The following JPH1 variants were observed in gnomAD, a reference collection of about 807,000 sequenced individuals.
JPH1 encodes junctophilin 1.
A neutral mutation model predicts 53.6 loss-of-function variants in JPH1; 12 were observed. The observed-to-expected ratio is 0.22, with a 90% CI of 0.14 to 0.36. The LOEUF (loss-of-function observed/expected upper bound fraction) is 0.36, where lower values mean the gene tolerates loss of function less well. Ranked by LOEUF, JPH1 falls within the 10% of genes least tolerant of loss-of-function variation. The pLI is 1.00. For synonymous variants in JPH1, 375 were observed against 363.8 expected (o/e 1.03, Z -0.35); for missense variants, 808 against 905.5 (o/e 0.89, Z 1.38).
At chr8:74,319,603 CTGCCATTT>C (rs1808257347) in intron 1 of JPH1, among the ~76,000 whole-genome samples, 2 of 152,212 alleles carry the variant, frequency 1.3e-5, no homozygotes, top group Admixed American at 1.3e-4. Flanking sequence ...TTCTACCATT[CTGCCATTT>C]TGCATTTGAA....
intron 2 of JPH1, among the ~76,000 whole-genome samples, chr8:74,310,443 A>G (rs1453545858): frequency 2.0e-5 from 3 of 152,226 alleles, no homozygotes; most frequent in Non-Finnish European, 4.4e-5. Context: ...TCCAGGAGTC[A>G]GCAAATTATA....
intron 1 of JPH1, among the ~76,000 whole-genome samples, chr8:74,316,790 G>C (rs558844779): frequency 6.6e-6 from 1 of 152,182 alleles, no homozygotes; most frequent in East Asian, 1.9e-4. Context: ...AAATAACCTG[G>C]TACAGGTTTT....
chr8:74,302,194 T>C (rs1310179608), intron 2 of JPH1, among the ~76,000 whole-genome samples: 1 of 152,242 alleles, frequency 6.6e-6, no homozygotes, highest in Non-Finnish European at 1.5e-5. Context: ...GAGAACAATG[T>C]GCACCAGTGC....
intron 2 of JPH1, among the ~76,000 whole-genome samples, chr8:74,291,169 G>A (rs191037578): frequency 0.27 from 40,737 of 151,904 alleles, 5,537 homozygotes; most frequent in Middle Eastern, 0.31. Context: ...CACAGCAAAA[G>A]AAACTACCAT....
rs1808284371 is a variant in JPH1 at position 74,320,573 on chromosome 8, C to T, written c.379+336G>A. On this transcript the variant is annotated intron_variant, in intron 1 of 5. Transcript: ENST00000342232. This position sits in a 1 kb window ranked among gnomAD's most constrained non-coding sequence, Gnocchi z 4.4. ...AACGTAATGTGACGGGCTCAAGTGA[C>T]AGCGTCCTCTCTCCAGCCCAACCCT... Among the ~76,000 whole-genome samples, 4 of 152,130 alleles carry T rather than the reference C, an allele frequency of 2.6e-5. No individual in the cohort carries two copies. The South Asian group carries it at 8.3e-4, about 32-fold the overall frequency.
At chr8:74,238,131 C>A (rs776241012) in intron 4 of JPH1, among the ~76,000 whole-genome samples, 1 of 152,114 alleles carries the variant, frequency 6.6e-6, no homozygotes, top group Non-Finnish European at 1.5e-5. Flanking sequence ...ATGTCTAATT[C>A]TTATATAGCA....
At chr8:74,242,266 T>C (rs75841885) in intron 4 of JPH1, among the ~76,000 whole-genome samples, 2,299 of 152,310 alleles carry the variant, frequency 0.015, 68 homozygotes, top group African/African-American at 0.053. Flanking sequence ...TAGCATTGTG[T>C]TGAAACAAAC....
At chr8:74,247,502 T>C (rs1042220133) in intron 3 of JPH1, among the ~76,000 whole-genome samples, 5 of 152,170 alleles carry the variant, frequency 3.3e-5, no homozygotes, top group African/African-American at 9.7e-5. Context: ...CATAGAAAAA[T>C]TGCCAATATC....
chr8:74,313,045 G>A (rs2131462728), intron 2 of JPH1, among the ~76,000 whole-genome samples: 1 of 152,302 alleles, frequency 6.6e-6, no homozygotes, highest in East Asian at 1.9e-4. Context: ...TCTCTGCATT[G>A]CCAGTCGCTT....
rs1249447228 is a variant in JPH1, at chr8:74,235,131, T to C, written c.*1920A>G. On this transcript the variant is annotated 3_prime_UTR_variant, in exon 6 of 6. Transcript: ENST00000342232. ...CTTAATAAGATTAAATATTTTATTA[T>C]TATTTTTTTAAAAAACCAGCTTTCC... 1 of 152,248 alleles carries C rather than the reference T, an allele frequency of 6.6e-6. No individual in the cohort carries two copies. The highest frequency in any genetic ancestry group is 2.4e-5 in the African/African-American group (1 of 41,430). 9.4% of individuals were successfully genotyped at this position (152,248 alleles called of 1,614,324 possible).
At chr8:74,280,345 A>G (rs1379057996) in intron 2 of JPH1, among the ~76,000 whole-genome samples, 2 of 152,208 alleles carry the variant, frequency 1.3e-5, no homozygotes, top group South Asian at 4.1e-4. Context: ...TGAGGTGGTG[A>G]AAACTTGGGG....
chr8:74,252,463 A>G (rs1806094006), intron 3 of JPH1, among the ~76,000 whole-genome samples: 1 of 152,146 alleles, frequency 6.6e-6, no homozygotes, highest in African/African-American at 2.4e-5. Flanking sequence ...AAAGAACTCA[A>G]GGCTAGGAAG....
At chr8:74,246,347 C>T (rs984565893) in intron 3 of JPH1, among the ~76,000 whole-genome samples, 6 of 152,128 alleles carry the variant, frequency 3.9e-5, no homozygotes, top group African/African-American at 9.7e-5. Flanking sequence ...CAACCCTTCA[C>T]CCCAGACAAA....
chr8:74,237,641 T>C (rs1360009187), intron 4 of JPH1, among the ~76,000 whole-genome samples: 1 of 152,202 alleles, frequency 6.6e-6, no homozygotes, highest in Non-Finnish European at 1.5e-5. Context: ...GAGTTAGACG[T>C]GCATTTGTTG....
chr8:74,286,228 C>A (rs1251451147), intron 2 of JPH1, among the ~76,000 whole-genome samples: 1 of 152,274 alleles, frequency 6.6e-6, no homozygotes, highest in African/African-American at 2.4e-5. Context: ...CTGTCCCTTC[C>A]TTTAGAACAC....
At position 74,315,328 on chromosome 8, in the gene JPH1, G is replaced by A; in HGVS notation, c.672C>T (p.Arg224=). ...RGSLLGSMKL[R]KSESKSSISS... ...AGATGGAAGACTTGGATTCGGACTT[G>A]CGAAGTTTCATGCTTCCAAGAAGGG... The change falls in exon 2 of 6, where the codon CGC becomes CGT. Residue 224 remains arginine, a synonymous_variant. Coordinates refer to ENST00000342232, the MANE Select transcript of JPH1 (RefSeq NM_020647.4). The surrounding 1 kb of genome is among the most constrained non-coding windows in gnomAD (Gnocchi z 6.3). The A allele has an allele frequency of 6.2e-7, 1 of 1,613,710 alleles. No individual in the cohort carries two copies. Among genetic ancestry groups the A allele is most frequent in the Non-Finnish European group, 8.5e-7 (1 of 1,180,026 alleles).
rs938404389 is a variant in JPH1 at position 74,261,773 on chromosome 8, G to A, written c.1140-2270C>T. Among the ~76,000 whole-genome samples the A allele has an allele frequency of 2.7e-4, 41 of 152,256 alleles. 1 individual carries two copies. Among genetic ancestry groups the A allele is most frequent in the African/African-American group, 9.9e-4 (41 of 41,550 alleles). Reference sequence around the variant, plus strand: ...ATTATGTCTAGGTGTCATAATTAATGAAGCCATAAGAGTATAGCTATGCTG... The same window carrying A: ...ATTATGTCTAGGTGTCATAATTAATAAAGCCATAAGAGTATAGCTATGCTG... On this transcript the variant is annotated intron_variant, in intron 2 of 5. Coordinates refer to ENST00000342232, the MANE Select transcript of JPH1 (RefSeq NM_020647.4).
intron 2 of JPH1, among the ~76,000 whole-genome samples, chr8:74,284,687 C>G (rs1446131212): frequency 6.6e-6 from 1 of 151,496 alleles, no homozygotes; most frequent in East Asian, 1.9e-4. Flanking sequence ...AAATTGAGTT[C>G]TAGTTCTTAA....
At chr8:74,260,004 T>C (rs10113375) in intron 2 of JPH1, among the ~76,000 whole-genome samples, 15,764 of 152,230 alleles carry the variant, frequency 0.1, 2,192 homozygotes, top group African/African-American at 0.32. Context: ...TGTTTATTCA[T>C]ATCCATGTGT....
Sources: gnomAD v4.1 joint callset for allele counts (sites outside exome capture counted in the v4.1 genomes callset) on GRCh38, gnomAD v4.1.1 for gene constraint, Gnocchi (gnomAD v3.1) non-coding constraint, MANE v1.5 for transcripts, NCBI Gene and HGNC (gene_info 2026-07-23, HGNC 2026-07-21) for gene names.